SVOP: variants seen among roughly 807,000 people sequenced by gnomAD.
SVOP encodes the protein SV2 related protein.
Under a neutral mutation model 69.1 loss-of-function variants are expected in SVOP, and 17 were observed. The ratio of observed to expected loss-of-function variants is 0.25; its 90% CI spans 0.17 to 0.37. The LOEUF (loss-of-function observed/expected upper bound fraction) is 0.37. Ranked by LOEUF, SVOP falls within the 10% of genes least tolerant of loss-of-function variation. The pLI, the probability that SVOP is intolerant of heterozygous loss-of-function variation, is 1.00. For synonymous variants in SVOP, 238 were observed against 238.6 expected, an observed-to-expected ratio of 1.00 and a Z score of 0.02; for missense variants, 435 against 597.5, an observed-to-expected ratio of 0.73 and a Z score of 2.84.
intron 1 of SVOP, among the ~76,000 whole-genome samples, chr12:108,996,141 G>T (rs1388992007): frequency 6.6e-6 from 1 of 152,160 alleles, no homozygotes; most frequent in Non-Finnish European, 1.5e-5. Flanking sequence ...GCAGAAGTGG[G>T]AAGATCACTT....
chr12:109,020,218 G>C (rs537809929), intron 1 of SVOP, among the ~76,000 whole-genome samples: 9 of 152,112 alleles, frequency 5.9e-5, no homozygotes, highest in Middle Eastern at 3.4e-3. Context: ...CTGATGTTCC[G>C]ACAGTGAGTC....
At chr12:108,952,230 C>CTTTTTTTTTTTTT (rs36191772) in intron 6 of SVOP, among the ~76,000 whole-genome samples, 2 of 98,360 alleles carry the variant, frequency 2.0e-5, no homozygotes, top group Non-Finnish European at 4.0e-5. Flanking sequence ...TTTCTTTTCT[C>CTTTTTTTTTTTTT]TTTTTTTTTT....
At chr12:108,928,710 A>T (rs2039797341) in intron 11 of SVOP, among the ~76,000 whole-genome samples, 1 of 151,784 alleles carries the variant, frequency 6.6e-6, no homozygotes, top group Admixed American at 6.6e-5. Flanking sequence ...GGGAACACAG[A>T]TGCACGCCAC....
chr12:108,945,261 G>T, intron 6 of SVOP, 95 bp from the exon 7 acceptor site: 1 of 1,244,228 alleles, frequency 8.0e-7, no homozygotes, highest in Non-Finnish European at 1.1e-6. Flanking sequence ...ATTCCTCCAA[G>T]GGTGGTCAGT....
chr12:109,013,828 A>T (rs2040354771), intron 1 of SVOP, among the ~76,000 whole-genome samples: 2 of 151,820 alleles, frequency 1.3e-5, no homozygotes, highest in African/African-American at 2.4e-5. Flanking sequence ...ATTAAACACC[A>T]ACTCCCCATT....
chr12:108,933,076 G>T (rs544476162), intron 11 of SVOP, among the ~76,000 whole-genome samples: 37 of 151,960 alleles, frequency 2.4e-4, no homozygotes, highest in African/African-American at 8.9e-4. Context: ...ACGGGGTTTT[G>T]TCATGTTGGC....
intron 4 of SVOP, among the ~76,000 whole-genome samples, chr12:108,972,743 G>A (rs1252627572): frequency 2.6e-5 from 4 of 152,222 alleles, no homozygotes; most frequent in Admixed American, 1.3e-4. Flanking sequence ...TCACAGAGGC[G>A]TTAAGTGGCG....
chr12:109,004,583 A>C (rs1263152778), intron 1 of SVOP, among the ~76,000 whole-genome samples: 1 of 150,712 alleles, frequency 6.6e-6, no homozygotes, highest in African/African-American at 2.4e-5. Flanking sequence ...TTTTTTTTTA[A>C]TTTTAGTAGA....
At chr12:108,988,679 T>C (rs929316487) in intron 1 of SVOP, among the ~76,000 whole-genome samples, 4 of 152,150 alleles carry the variant, frequency 2.6e-5, no homozygotes, top group African/African-American at 9.7e-5. Context: ...TTTTTCAAGA[T>C]TGTTTTAGTT....
chr12:108,956,469 C>T (rs1273211666), intron 6 of SVOP, among the ~76,000 whole-genome samples: 1 of 152,152 alleles, frequency 6.6e-6, no homozygotes, highest in Non-Finnish European at 1.5e-5. Flanking sequence ...GCTGATCTTG[C>T]TGCTTGTGCT....
At chr12:109,015,734 G>A (rs550655313) in intron 1 of SVOP, among the ~76,000 whole-genome samples, 36 of 152,010 alleles carry the variant, frequency 2.4e-4, no homozygotes, top group Non-Finnish European at 4.4e-4. Context: ...CAGAGGTTGC[G>A]GTGAGCTGAG....
At chr12:108,947,696 T>G (rs2039933139) in intron 6 of SVOP, among the ~76,000 whole-genome samples, 1 of 152,166 alleles carries the variant, frequency 6.6e-6, no homozygotes, top group Non-Finnish European at 1.5e-5. Flanking sequence ...AAGGGAACTT[T>G]TAAACCAGGC....
chr12:109,010,264 C>T (rs990453264), intron 1 of SVOP, among the ~76,000 whole-genome samples: 2 of 152,070 alleles, frequency 1.3e-5, no homozygotes, highest in African/African-American at 4.8e-5. Flanking sequence ...TGAAAATGCC[C>T]TCAAAAGTGA....
chr12:108,993,630 G>T (rs2040215192), intron 1 of SVOP, among the ~76,000 whole-genome samples: 1 of 152,158 alleles, frequency 6.6e-6, no homozygotes, highest in African/African-American at 2.4e-5. Context: ...TTTGCACATT[G>T]TAAGAAATGC....
intron 5 of SVOP, among the ~76,000 whole-genome samples, chr12:108,970,939 G>A (rs1241791131): frequency 1.3e-5 from 2 of 152,030 alleles, no homozygotes; most frequent in East Asian, 3.9e-4. Flanking sequence ...GATTGCTTGA[G>A]CCCAGAAGGT....
In SVOP at chr12:108,918,075, C is replaced by T; in HGVS notation, c.1318G>A (p.Gly440Ser). 6.3e-7 allele frequency: 1 copy of T among 1,584,198 alleles called. No homozygotes were observed. Among genetic ancestry groups the T allele is most frequent in the East Asian group, 2.3e-5 (1 of 43,722 alleles). The change falls in exon 14 of 16, where the codon GGC becomes AGC. Residue 440 changes from glycine (G) to serine (S), a missense_variant. Transcript: ENST00000610966. ...GTGTAAACATATGCCGCTTGAAAGC[C>T]TCCAGAAATAAACGCTCTTGCAATG... ...LFIARAFISG[G>S]FQAAYVYTPE...
intron 1 of SVOP, among the ~76,000 whole-genome samples, chr12:109,019,003 A>C (rs1313323651): frequency 6.6e-6 from 1 of 152,214 alleles, no homozygotes; most frequent in Non-Finnish European, 1.5e-5. Flanking sequence ...TGGCATAGTA[A>C]GGATTTGAAC....
Position 108,919,806 on chromosome 12 carries a change from A to G in SVOP, c.1157-20T>C, listed in dbSNP as rs745860693. 3.9e-6 allele frequency: 6 copies of G among 1,530,154 alleles called. No homozygotes were observed. The East Asian group carries it at 1.4e-4, about 36-fold the overall frequency. 94.8% of individuals were successfully genotyped at this position (1,530,154 alleles called of 1,614,324 possible). A position where few individuals can be genotyped will look rare whatever the true frequency, so the allele number is the denominator to read the frequency against. ...GGACACCTGGAAGGGGAGTGGGGAG[A>G]GATAGGCAGCTTCCGATGTGATTCC... On this transcript the variant is annotated intron_variant, in intron 12 of 15. Coordinates refer to ENST00000610966, the MANE Select transcript of SVOP (RefSeq NM_018711.5).
intron 1 of SVOP, among the ~76,000 whole-genome samples, chr12:109,005,155 T>C (rs2040298899): frequency 1.3e-5 from 2 of 152,204 alleles, no homozygotes; most frequent in Non-Finnish European, 2.9e-5. Flanking sequence ...TAAGCTGTGA[T>C]TATCTGTGTG....
Sources: allele counts gnomAD v4.1 joint callset (sites outside exome capture counted in the v4.1 genomes callset), GRCh38; gene constraint gnomAD v4.1.1; transcripts MANE v1.5; gene names NCBI Gene and HGNC (gene_info 2026-07-23, HGNC 2026-07-21).